The following CNTN5 variants were observed in gnomAD, a reference collection of about 807,000 sequenced individuals.
CNTN5 encodes the protein contactin-5.
A neutral mutation model predicts 129.1 loss-of-function variants in CNTN5; 77 were observed. The observed-to-expected ratio is 0.60, with a 90% confidence interval of 0.50 to 0.72. CNTN5 has a LOEUF of 0.72. Ranked by LOEUF, CNTN5 falls within the 30% of genes least tolerant of loss-of-function variation. The pLI is 0.00. For missense variants in CNTN5, 1,478 were observed against 1,328.8 expected, an observed-to-expected ratio of 1.11 and a Z score of -1.75; for synonymous variants, 509 against 465.6, an observed-to-expected ratio of 1.09 and a Z score of -1.20.
At chr11:100,174,958 G>A (rs1233336443) in intron 13 of CNTN5, among the ~76,000 whole-genome samples, 1 of 152,098 alleles carries the variant, frequency 6.6e-6, no homozygotes. Flanking sequence ...GAAAGACCAT[G>A]GTGACAGCAC....
chr11:100,289,288 C>G (rs527846283), intron 18 of CNTN5, among the ~76,000 whole-genome samples: 1 of 152,114 alleles, frequency 6.6e-6, no homozygotes, highest in Non-Finnish European at 1.5e-5. Context: ...ATACCAAAGC[C>G]GGGCAGAGAC....
intron 1 of CNTN5, among the ~76,000 whole-genome samples, chr11:99,052,494 T>C (rs777362592): frequency 1.3e-5 from 2 of 151,886 alleles, no homozygotes; most frequent in Admixed American, 6.6e-5. Context: ...CCAGGAGCAA[T>C]AGGCTATATA....
At chr11:100,075,787 T>G (rs913284557) in intron 13 of CNTN5, among the ~76,000 whole-genome samples, 1 of 152,146 alleles carries the variant, frequency 6.6e-6, no homozygotes, top group African/African-American at 2.4e-5. Flanking sequence ...TTCTATGATC[T>G]GCCTTGGGGG....
intron 2 of CNTN5, among the ~76,000 whole-genome samples, chr11:99,406,399 G>GTC (rs138667399): frequency 0.63 from 94,330 of 150,034 alleles, 29,576 homozygotes; most frequent in East Asian, 0.83. Context: ...CCCAAACAGA[G>GTC]TCTCTCTCTC....
rs575281985 is a variant in CNTN5 at position 100,272,704 on chromosome 11, G to C, written c.2314+1463G>C. 2.6e-5 allele frequency among the ~76,000 whole-genome samples: 4 copies of C among 152,170 alleles called. No homozygotes were observed. The South Asian group carries it at 8.3e-4, about 32-fold the overall frequency. ...TGGGCTGATTGGGGGAAAACGTTGG[G>C]ACCCCTACGCGGGGCTACAGCACAC... On this transcript the variant is annotated intron_variant, in intron 18 of 24. Transcript: ENST00000524871.
At chr11:99,953,320 G>C (rs575087441) in intron 7 of CNTN5, among the ~76,000 whole-genome samples, 5 of 152,296 alleles carry the variant, frequency 3.3e-5, no homozygotes, top group African/African-American at 4.8e-5. Context: ...CACTGAATCA[G>C]TTGCAGCAAT....
At chr11:99,839,523 T>C (rs1346391412) in intron 4 of CNTN5, among the ~76,000 whole-genome samples, 2 of 152,112 alleles carry the variant, frequency 1.3e-5, no homozygotes, top group East Asian at 3.9e-4. Context: ...GTCAAACTCC[T>C]AACCTAAGGA....
At chr11:100,216,140 T>A (rs1242746859) in intron 15 of CNTN5, among the ~76,000 whole-genome samples, 1 of 152,098 alleles carries the variant, frequency 6.6e-6, no homozygotes, top group East Asian at 1.9e-4. Flanking sequence ...CAATACTCAT[T>A]TTAACTGATG....
intron 2 of CNTN5, among the ~76,000 whole-genome samples, chr11:99,469,860 C>A (rs1007989536): frequency 6.6e-6 from 1 of 152,032 alleles, no homozygotes; most frequent in Non-Finnish European, 1.5e-5. Flanking sequence ...GTTAAATAAG[C>A]TAATTTCTAG....
chr11:99,349,189 C>T (rs1258735021), intron 2 of CNTN5, among the ~76,000 whole-genome samples: 2 of 152,118 alleles, frequency 1.3e-5, no homozygotes, highest in African/African-American at 4.8e-5. Context: ...TGTGCCCGAT[C>T]GTGTCTGAAA....
intron 6 of CNTN5, among the ~76,000 whole-genome samples, chr11:99,881,313 T>C (rs976943623): frequency 6.6e-6 from 1 of 152,210 alleles, no homozygotes; most frequent in Admixed American, 6.5e-5. Context: ...TGAATTATAA[T>C]GATTATACAA....
intron 2 of CNTN5, among the ~76,000 whole-genome samples, chr11:99,471,609 A>G (rs1945176817): frequency 6.6e-6 from 1 of 151,720 alleles, no homozygotes; most frequent in Non-Finnish European, 1.5e-5. Context: ...TCATCTGTAA[A>G]TTGGAGATGA....
intron 1 of CNTN5, among the ~76,000 whole-genome samples, chr11:99,233,893 C>T (rs1355022381): frequency 3.9e-5 from 6 of 152,102 alleles, no homozygotes; most frequent in Middle Eastern, 3.4e-3. Flanking sequence ...TTGCAGTGAG[C>T]GGAGATCGCA....
chr11:99,238,862 T>C (rs1460227542), intron 1 of CNTN5, among the ~76,000 whole-genome samples: 1 of 152,106 alleles, frequency 6.6e-6, no homozygotes, highest in Non-Finnish European at 1.5e-5. Flanking sequence ...AATTCATAGA[T>C]GCAAAAATAT....
intron 13 of CNTN5, among the ~76,000 whole-genome samples, chr11:100,170,944 T>C (rs1947807818): frequency 6.6e-6 from 1 of 151,610 alleles, no homozygotes; most frequent in African/African-American, 2.4e-5. Flanking sequence ...GTGCTAGAAA[T>C]CTTGCCCACA....
At position 100,193,595 on chromosome 11, in the gene CNTN5, T is replaced by C; in HGVS notation, c.1816T>C (p.Tyr606His). 1 of 1,612,252 alleles carries C rather than the reference T, an allele frequency of 6.2e-7. No homozygotes were observed. Among genetic ancestry groups the C allele is most frequent in the South Asian group, 1.1e-5 (1 of 91,008 alleles). The change falls in exon 15 of 25, where the codon TAC (tyrosine) becomes CAC (histidine). Residue 606 changes from tyrosine (Y) to histidine (H), a missense_variant. By Grantham distance (83) the Tyr-to-His change is moderately conservative. Coordinates refer to ENST00000524871, the MANE Select transcript of CNTN5 (RefSeq NM_014361.4). ...CGATGCTAGTTTGGATGTCACTTTC[T>C]ACTGGACTCTGAAAGGACAGCCTAT... Reference protein sequence around the residue: ...IHDASLDVTFYWTLKGQPIDF... With the variant: ...IHDASLDVTFHWTLKGQPIDF...
At chr11:99,446,085 T>TTA (rs1555146744) in intron 2 of CNTN5, among the ~76,000 whole-genome samples, 5 of 134,974 alleles carry the variant, frequency 3.7e-5, no homozygotes, top group African/African-American at 1.4e-4. Flanking sequence ...ACTTTGTCAT[T>TTA]AAAAAAAAAA....
At chr11:100,294,330 A>G (rs966294017) in intron 18 of CNTN5, among the ~76,000 whole-genome samples, 4 of 151,768 alleles carry the variant, frequency 2.6e-5, no homozygotes, top group Admixed American at 1.3e-4. Flanking sequence ...GTAGTACACT[A>G]TATTTTTTTC....
intron 4 of CNTN5, among the ~76,000 whole-genome samples, chr11:99,833,748 G>C (rs56210760): frequency 6.6e-6 from 1 of 151,986 alleles, no homozygotes; most frequent in Non-Finnish European, 1.5e-5. Context: ...ATTTATAATA[G>C]AACTTGATCA....
Sources: allele counts gnomAD v4.1 joint callset (sites outside exome capture counted in the v4.1 genomes callset), GRCh38; gene constraint gnomAD v4.1.1; transcripts MANE v1.5; gene names NCBI Gene and HGNC (gene_info 2026-07-23, HGNC 2026-07-21).